LANCL3: variants seen among roughly 807,000 people sequenced by gnomAD.
LANCL3 encodes LanC like family member 3, also known as lanC-like protein 3.
In LANCL3, 19 loss-of-function variants were observed where a neutral mutation model predicts 26.5. That is an observed-to-expected ratio of 0.72 (90% confidence interval 0.50 to 1.05). The LOEUF is 1.05. LANCL3 is among the 50% of genes least tolerant of loss of function. LANCL3 has a pLI of 0.00. For missense variants in LANCL3, 318 were observed against 362.7 expected (o/e 0.88, Z 1.00); for synonymous variants, 160 against 166.6 (o/e 0.96, Z 0.30).
At chrX:37,618,916 C>G (rs781954827) in intron 1 of LANCL3, among the ~76,000 whole-genome samples, 1 of 111,421 alleles carries the variant, frequency 9.0e-6, no homozygotes, top group Non-Finnish European at 1.9e-5. Flanking sequence ...CATTCAACCC[C>G]TAACACATCC....
chrX:37,627,353 T>C (rs1272435842), intron 1 of LANCL3, among the ~76,000 whole-genome samples: 4 of 111,669 alleles, frequency 3.6e-5, no homozygotes, highest in Non-Finnish European at 7.5e-5. Flanking sequence ...AAGAAGCTTC[T>C]ATGTGATAGT....
chrX:37,636,768 A>G (rs1602121040), intron 1 of LANCL3, among the ~76,000 whole-genome samples: 1 of 112,254 alleles, frequency 8.9e-6, no homozygotes, highest in Admixed American at 9.4e-5. Context: ...TAGTCTGTCT[A>G]TTCCTTTTAA....
At chrX:37,629,043 A>C (rs1159541871) in intron 1 of LANCL3, among the ~76,000 whole-genome samples, 1 of 106,869 alleles carries the variant, frequency 9.4e-6, no homozygotes, top group Non-Finnish European at 1.9e-5. Context: ...ACAATGGTTG[A>C]ACTAGTTTAC....
chrX:37,678,474 G>C lies in LANCL3; in HGVS notation c.*2661G>C, dbSNP rs1926865323. 9.0e-6 allele frequency: 1 copy of C among 110,807 alleles called. No individual in the cohort carries two copies. Among genetic ancestry groups the C allele is most frequent in the East Asian group, 2.8e-4 (1 of 3,569 alleles). The allele number at this position is 110,807 out of a possible 1,213,427, so 9.1% of individuals were successfully genotyped here. A position where few individuals can be genotyped will look rare whatever the true frequency, so the allele number is the denominator to read the frequency against. Reference sequence around the variant, plus strand: ...AGCATGAGCAATTATAAACCCTGAAGGTAATAGTGGAAATGTTTGAGGATA... The same window carrying C: ...AGCATGAGCAATTATAAACCCTGAACGTAATAGTGGAAATGTTTGAGGATA... On this transcript the variant is annotated 3_prime_UTR_variant, in exon 5 of 5. Transcript: ENST00000378619.
intron 1 of LANCL3, among the ~76,000 whole-genome samples, chrX:37,653,031 A>T (rs1926195040): frequency 2.7e-5 from 3 of 111,648 alleles, no homozygotes; most frequent in Non-Finnish European, 5.6e-5. Flanking sequence ...AGAGATAAAG[A>T]ACTGCATGCA....
chrX:37,675,375 T>C (rs782631936), intron 4 of LANCL3, among the ~76,000 whole-genome samples: 1 of 112,447 alleles, frequency 8.9e-6, no homozygotes, highest in Admixed American at 9.4e-5. Context: ...AATTACTGGA[T>C]GACAGAAAGA....
At position 37,667,459 on chromosome X, in the gene LANCL3, G is replaced by A. The variant is rs1556434420; in HGVS notation, c.1073G>A (p.Gly358Glu). 2.5e-6 allele frequency: 3 copies of A among 1,189,708 alleles called. No individual in the cohort carries two copies. Among genetic ancestry groups the A allele is most frequent in the Admixed American group, 4.6e-5 (2 of 43,023 alleles). The change falls in exon 4 of 5, where the codon GGA becomes GAA. Residue 358 changes from glycine to glutamate, a missense_variant. Transcript: ENST00000378619. ...YVFLLLYRLT[G>E]NSKYIYRAQR... ...TTCCTGCTGCTGTACCGGCTCACGG[G>A]AAACTCTAAATACATCTACCGAGCT...
At chrX:37,608,725 G>A (rs1379948631) in intron 1 of LANCL3, among the ~76,000 whole-genome samples, 3 of 111,963 alleles carry the variant, frequency 2.7e-5, no homozygotes, top group Non-Finnish European at 5.6e-5. Flanking sequence ...TACTTCTTGA[G>A]AATCCAAATC....
intron 1 of LANCL3, among the ~76,000 whole-genome samples, chrX:37,630,919 G>T (rs1556424104): frequency 9.0e-6 from 1 of 110,778 alleles, no homozygotes; most frequent in Non-Finnish European, 1.9e-5. Flanking sequence ...TCTCTTTTTT[G>T]GTTGTGTCTC....
intron 1 of LANCL3, among the ~76,000 whole-genome samples, chrX:37,636,618 G>A (rs1360614327): frequency 2.7e-5 from 3 of 112,132 alleles, no homozygotes; most frequent in Non-Finnish European, 3.8e-5. Flanking sequence ...TTCTCACCTC[G>A]TAGAATACAT....
chrX:37,573,319 C>G (rs1923654247), intron 1 of LANCL3, among the ~76,000 whole-genome samples: 1 of 112,272 alleles, frequency 8.9e-6, no homozygotes, highest in African/African-American at 3.2e-5. Flanking sequence ...GAGGCACTTT[C>G]ATTCATAATC....
chrX:37,584,832 C>G (rs782357938), intron 1 of LANCL3, among the ~76,000 whole-genome samples: 1 of 111,634 alleles, frequency 9.0e-6, no homozygotes, highest in African/African-American at 3.3e-5. Context: ...TTCTTGCCTT[C>G]TGCTAGTTTT....
intron 1 of LANCL3, among the ~76,000 whole-genome samples, chrX:37,576,206 T>C (rs12558382): frequency 2.7e-5 from 3 of 111,898 alleles, no homozygotes; most frequent in East Asian, 2.8e-4. Flanking sequence ...TTTATGTTTA[T>C]AAGGTTCAGA....
chrX:37,649,999 G>A (rs1926094024), intron 1 of LANCL3, among the ~76,000 whole-genome samples: 4 of 110,497 alleles, frequency 3.6e-5, no homozygotes, highest in Admixed American at 1.9e-4. Context: ...GTAATCCACT[G>A]GGGAGCTTAA....
At chrX:37,671,002 T>G (rs937091710) in intron 4 of LANCL3, among the ~76,000 whole-genome samples, 3 of 111,628 alleles carry the variant, frequency 2.7e-5, no homozygotes, top group Non-Finnish European at 3.8e-5. Context: ...TTATGGAAGC[T>G]TTTAAAACAC....
At chrX:37,581,031 T>C (rs1923878041) in intron 1 of LANCL3, among the ~76,000 whole-genome samples, 1 of 112,238 alleles carries the variant, frequency 8.9e-6, no homozygotes, top group Admixed American at 9.4e-5. Context: ...AATCAGCTTT[T>C]AGCTCAGTGA....
In LANCL3 at chrX:37,655,619, A is replaced by G. The variant is rs17145937; in HGVS notation, c.574-69A>G. The G allele has an allele frequency of 2.8e-3, 2,790 of 984,199 alleles. 50 individuals carry two copies. In the African/African-American group the frequency reaches 0.047, roughly 17 times the overall value. The allele number at this position is 984,199 out of a possible 1,213,427, so 81.1% of individuals were successfully genotyped here. Reference sequence around the variant, plus strand: ...GGATATGATGCTAGACTTCTTAAGCAAGAAAATTCAGTGTCTAAGGAAAAA... The same window carrying G: ...GGATATGATGCTAGACTTCTTAAGCGAGAAAATTCAGTGTCTAAGGAAAAA... On this transcript the variant is annotated intron_variant, in intron 1 of 4. Transcript: ENST00000378619.
At chrX:37,579,549 A>G (rs1443499379) in intron 1 of LANCL3, among the ~76,000 whole-genome samples, 1 of 111,685 alleles carries the variant, frequency 9.0e-6, no homozygotes, top group African/African-American at 3.3e-5. Flanking sequence ...TCAAAATGGC[A>G]TGAAATTTAA....
chrX:37,633,873 G>A (rs960774307), intron 1 of LANCL3, among the ~76,000 whole-genome samples: 2 of 112,167 alleles, frequency 1.8e-5, no homozygotes, highest in Non-Finnish European at 3.8e-5. Context: ...GCTGCTCGGG[G>A]GTCAGGAGTC....
Sources: gnomAD v4.1 joint callset for allele counts (sites outside exome capture counted in the v4.1 genomes callset) on GRCh38, gnomAD v4.1.1 for gene constraint, MANE v1.5 for transcripts, NCBI Gene and HGNC (gene_info 2026-07-23, HGNC 2026-07-21) for gene names.